The following MKLN1 variants were observed in gnomAD, a reference collection of about 807,000 sequenced individuals.
MKLN1 encodes muskelin 1, also known as muskelin.
Under a neutral mutation model 99.0 loss-of-function variants are expected in MKLN1, and 18 were observed. The ratio of observed to expected loss-of-function variants is 0.18; its 90% CI spans 0.13 to 0.27. MKLN1 has a LOEUF of 0.27. Ranked by LOEUF, MKLN1 falls within the 10% of genes least tolerant of loss-of-function variation. The pLI is 1.00. For missense variants in MKLN1, 621 were observed against 875.9 expected, an observed-to-expected ratio of 0.71 and a Z score of 3.67; for synonymous variants, 288 against 293.2, an observed-to-expected ratio of 0.98 and a Z score of 0.18.
At chr7:131,299,059 G>A (rs7807337) in intron 3 of MKLN1, among the ~76,000 whole-genome samples, 75,322 of 151,878 alleles carry the variant, frequency 0.5, 20,622 homozygotes, top group Admixed American at 0.62. Flanking sequence ...TTAGATGAGT[G>A]CACAAATTTG....
intron 1 of MKLN1, among the ~76,000 whole-genome samples, chr7:131,119,638 G>A (rs1257352646): frequency 6.6e-6 from 1 of 152,184 alleles, no homozygotes; most frequent in Non-Finnish European, 1.5e-5. Context: ...TGCATCCTCT[G>A]AAATCTATGC....
chr7:131,219,887 G>C (rs1797036177), intron 3 of MKLN1, among the ~76,000 whole-genome samples: 1 of 151,952 alleles, frequency 6.6e-6, no homozygotes, highest in Non-Finnish European at 1.5e-5. Flanking sequence ...TTGTGTGTTT[G>C]GTTTCCTCTT....
chr7:131,133,798 CTTTTTTTTTTTTTTTAATTTGGTTTTTT>C (rs1330499338), intron 1 of MKLN1, among the ~76,000 whole-genome samples: 5 of 69,496 alleles, frequency 7.2e-5, no homozygotes, highest in African/African-American at 2.2e-4. Flanking sequence ...AGGTTGACTT[CTTTTTTTTTTTTTTTAATTTGGTTTTTT>C]TTTTTTTTTT....
At chr7:131,322,900 C>T (rs1262249496), upstream of MKLN1, among the ~76,000 whole-genome samples, 1 of 152,176 alleles carries the variant, frequency 6.6e-6, no homozygotes, top group Non-Finnish European at 1.5e-5. Flanking sequence ...CATCACATCT[C>T]GTAAGAACTC....
At chr7:131,192,134 AATAT>A (rs1264221307) in intron 2 of MKLN1, among the ~76,000 whole-genome samples, 5,974 of 91,154 alleles carry the variant, frequency 0.066, 786 homozygotes, top group South Asian at 0.14. Flanking sequence ...TATATATAAA[AATAT>A]ATATACGTAT....
At chr7:131,408,509 A>G (rs976428314) in intron 6 of MKLN1, among the ~76,000 whole-genome samples, 2 of 152,228 alleles carry the variant, frequency 1.3e-5, no homozygotes, top group African/African-American at 4.8e-5. Flanking sequence ...CAGCAGTACT[A>G]TAATCTATGT....
At chr7:131,249,549 T>C (rs554442586) in intron 3 of MKLN1, among the ~76,000 whole-genome samples, 1 of 152,346 alleles carries the variant, frequency 6.6e-6, no homozygotes, top group East Asian at 1.9e-4. Context: ...ATATTCCTTG[T>C]TCTCAAGGAA....
chr7:131,335,620 G>T (rs1439257022), intron 1 of MKLN1, among the ~76,000 whole-genome samples: 4 of 151,386 alleles, frequency 2.6e-5, no homozygotes, highest in African/African-American at 9.7e-5. Context: ...ACAAATTGTG[G>T]TATGTTACAT....
chr7:131,340,250 C>T (rs1799366627), intron 1 of MKLN1, among the ~76,000 whole-genome samples: 2 of 138,620 alleles, frequency 1.4e-5, no homozygotes, highest in African/African-American at 2.6e-5. Context: ...ACCTATCTAT[C>T]ATTTTTTACA....
chr7:131,327,872 C>G (rs992062939), upstream of MKLN1: 6 of 1,606,738 alleles, frequency 3.7e-6, no homozygotes, highest in African/African-American at 2.7e-5. Context: ...TGCCAGCGGT[C>G]GGTGGCGGCC....
At chr7:131,144,977 C>T (rs1795796255) in intron 2 of MKLN1, among the ~76,000 whole-genome samples, 1 of 151,864 alleles carries the variant, frequency 6.6e-6, no homozygotes, top group African/African-American at 2.4e-5. Context: ...AACTCCATCC[C>T]CCAACCAGCA....
chr7:131,339,753 A>G (rs1037872236), intron 1 of MKLN1, among the ~76,000 whole-genome samples: 1 of 152,078 alleles, frequency 6.6e-6, no homozygotes, highest in African/African-American at 2.4e-5. Flanking sequence ...ATTTCCCTTC[A>G]TATAATAGGA....
chr7:131,235,648 G>A (rs1229950271), intron 3 of MKLN1, among the ~76,000 whole-genome samples: 2 of 152,084 alleles, frequency 1.3e-5, no homozygotes, highest in African/African-American at 4.8e-5. Flanking sequence ...ATGTAAATAG[G>A]ACTTCACTGT....
At position 131,341,770 on chromosome 7, in the gene MKLN1, A is replaced by T. The variant is rs187882010; in HGVS notation, c.98+13773A>T. On this transcript the variant is annotated intron_variant, in intron 1 of 17. Transcript: ENST00000352689. The stretch of plus-strand genomic sequence containing the variant: ...AACAACAGTGATTCTCATAAGGAGC[A>T]CCCAACCTAGATCCCTTGCATGTGC... 9.8e-4 allele frequency among the ~76,000 whole-genome samples: 150 copies of T among 152,328 alleles called. 2 individuals carry two copies. The highest frequency in any genetic ancestry group is 1.8e-3 in the Non-Finnish European group (121 of 68,020).
At chr7:131,399,629 A>G (rs530026886) in intron 6 of MKLN1, among the ~76,000 whole-genome samples, 196 bp downstream of exon 6, 2 of 152,216 alleles carry the variant, frequency 1.3e-5, no homozygotes, top group African/African-American at 4.8e-5. Flanking sequence ...GACTTAAAAA[A>G]TTGAAATGTA....
At position 131,487,806 on chromosome 7, in the gene MKLN1, A is replaced by ATTAC; in HGVS notation, c.*78_*79insTTAC. Reference sequence around the variant, plus strand: ...TTGGATTGCAGCTCCACTGACTGACAGTAAAGCTGCAGTGATTGAGGACTG... The same window carrying ATTAC: ...TTGGATTGCAGCTCCACTGACTGACATTACGTAAAGCTGCAGTGATTGAGGACTG... On this transcript the variant is annotated 3_prime_UTR_variant, in exon 18 of 18. Transcript: ENST00000352689. The surrounding 1 kb of genome is among the most constrained non-coding windows in gnomAD (Gnocchi z 4.7). 2 of 1,527,064 alleles carry ATTAC rather than the reference A, an allele frequency of 1.3e-6. No individual in the cohort carries two copies. Among genetic ancestry groups the ATTAC allele is most frequent in the Non-Finnish European group, 8.9e-7 (1 of 1,124,056 alleles). 94.6% of individuals were successfully genotyped at this position (1,527,064 alleles called of 1,614,324 possible). A position where few individuals can be genotyped will look rare whatever the true frequency, so the allele number is the denominator to read the frequency against.
chr7:131,263,119 G>A (rs1797757067), intron 3 of MKLN1, among the ~76,000 whole-genome samples: 1 of 152,020 alleles, frequency 6.6e-6, no homozygotes, highest in African/African-American at 2.4e-5. Context: ...ACTTCCTACT[G>A]CCTCATATTA....
intron 1 of MKLN1, among the ~76,000 whole-genome samples, chr7:131,137,042 G>A (rs1297302555): frequency 3.3e-5 from 5 of 152,182 alleles, no homozygotes; most frequent in East Asian, 1.9e-4. Context: ...ACCCAGCTAC[G>A]GGGTCTCCCT....
intron 2 of MKLN1, among the ~76,000 whole-genome samples, chr7:131,199,505 A>G (rs1341254334): frequency 6.6e-6 from 1 of 152,154 alleles, no homozygotes; most frequent in Non-Finnish European, 1.5e-5. Flanking sequence ...CAAACTCTTT[A>G]TTTCAATACT....
Sources: gnomAD v4.1 joint callset for allele counts (sites outside exome capture counted in the v4.1 genomes callset) on GRCh38, gnomAD v4.1.1 for gene constraint, Gnocchi (gnomAD v3.1) non-coding constraint, MANE v1.5 for transcripts, NCBI Gene and HGNC (gene_info 2026-07-23, HGNC 2026-07-21) for gene names.